The following UPF3B variants were observed in gnomAD, a reference collection of about 807,000 sequenced individuals.
UPF3B encodes regulator of nonsense transcripts 3B.
A neutral mutation model predicts 40.3 loss-of-function variants in UPF3B; 7 were observed. That is an observed-to-expected ratio of 0.17 (90% confidence interval 0.10 to 0.33). The LOEUF (loss-of-function observed/expected upper bound fraction) is 0.33, where lower values mean the gene tolerates loss of function less well. Ranked by LOEUF, UPF3B falls within the 10% of genes least tolerant of loss-of-function variation. UPF3B has a pLI of 1.00. For missense variants in UPF3B, 229 were observed against 358.9 expected, an observed-to-expected ratio of 0.64 and a Z score of 2.93; for synonymous variants, 117 against 117.3, an observed-to-expected ratio of 1.00 and a Z score of 0.01.
Position 119,834,986 on chromosome X carries a change from G to A in UPF3B, c.1344C>T (p.Ser448=). ...CATCAGGGGGACAGAGTCGATTTCG[G>A]CTTCGAGCTCCTGGTTGGTAAAGCT... ...AMQLYQPGAR[S]RNRLCPPDDS... is the part of the protein sequence containing the mutation. The change falls in exon 11 of 11, where the codon AGC becomes AGT. Residue 448 remains serine, a synonymous_variant. Coordinates refer to ENST00000276201, the MANE Select transcript of UPF3B (RefSeq NM_080632.3). 1 of 1,211,971 alleles carries A rather than the reference G, an allele frequency of 8.3e-7. No homozygotes were observed. Among genetic ancestry groups the A allele is most frequent in the Non-Finnish European group, 1.1e-6 (1 of 895,585 alleles).
At chrX:119,836,941 C>T (rs1157907241) in intron 10 of UPF3B, among the ~76,000 whole-genome samples, 1 of 102,737 alleles carries the variant, frequency 9.7e-6, no homozygotes, top group African/African-American at 3.6e-5. Flanking sequence ...TGAGCCACCG[C>T]GCCCGGCCAG....
chrX:119,850,555 A>AAAAAC (rs1393789329), intron 3 of UPF3B, among the ~76,000 whole-genome samples: 1 of 111,880 alleles, frequency 8.9e-6, no homozygotes, highest in Non-Finnish European at 1.9e-5. Context: ...TAATATTGAA[A>AAAAAC]AAAACAAAAC....
intron 5 of UPF3B, among the ~76,000 whole-genome samples, chrX:119,813,273 G>C (rs1278686446): frequency 9.0e-6 from 1 of 111,220 alleles, no homozygotes; most frequent in Non-Finnish European, 1.9e-5. Flanking sequence ...AATCCCCAGT[G>C]TTGTAGGTGG....
intron 6 of UPF3B, among the ~76,000 whole-genome samples, chrX:119,807,040 A>AG (rs2055797700): frequency 1.0e-5 from 1 of 98,850 alleles, no homozygotes; most frequent in African/African-American, 4.2e-5. Flanking sequence ...AAAAAAAAAA[A>AG]AAAAAAAAAA....
In UPF3B at chrX:119,844,729, G is replaced by A. The variant is rs1569462845; in HGVS notation, c.469+469C>T. ...AGAGATTCTCCTGCCTCAGCCTCCCGAATAGCTGGGATTACAGGCATGCAC... is the reference window on the plus strand; with the variant it reads ...AGAGATTCTCCTGCCTCAGCCTCCCAAATAGCTGGGATTACAGGCATGCAC... On this transcript the variant is annotated intron_variant, in intron 4 of 10. Coordinates refer to ENST00000276201, the MANE Select transcript of UPF3B (RefSeq NM_080632.3). Among the ~76,000 whole-genome samples the A allele has an allele frequency of 3.6e-5, 4 of 110,274 alleles. No homozygotes were observed. The East Asian group carries it at 8.5e-4, about 23-fold the overall frequency.
intron 3 of UPF3B, among the ~76,000 whole-genome samples, chrX:119,849,386 G>A (rs933423126): frequency 9.2e-6 from 1 of 109,229 alleles, no homozygotes; most frequent in Non-Finnish European, 1.9e-5. Flanking sequence ...CAGCTAAGTC[G>A]GCAGGCTGAG....
Position 119,846,992 on chromosome X carries a change from A to C in UPF3B, c.371-1696T>G, listed in dbSNP as rs1888691856. Among the ~76,000 whole-genome samples the C allele has an allele frequency of 5.3e-5, 6 of 112,769 alleles. No homozygotes were observed. In the South Asian group the frequency reaches 1.8e-3, roughly 34 times the overall value. On this transcript the variant is annotated intron_variant, in intron 3 of 10. Coordinates refer to ENST00000276201, the MANE Select transcript of UPF3B (RefSeq NM_080632.3). ...GACTTGAATAGACATTTCTTCAAAG[A>C]TAATATACAAATGGCTAACAAGCAT... is the stretch of plus-strand genomic sequence containing the variant.
intron 4 of UPF3B, among the ~76,000 whole-genome samples, chrX:119,822,252 C>T (rs1372428603): frequency 8.9e-6 from 1 of 112,482 alleles, no homozygotes; most frequent in Admixed American, 9.4e-5. Flanking sequence ...ATGCTTGTTG[C>T]TTCTACACTA....
chrX:119,838,947 T>C (rs2056131724), intron 8 of UPF3B, among the ~76,000 whole-genome samples: 1 of 111,050 alleles, frequency 9.0e-6, no homozygotes, highest in Admixed American at 9.6e-5. Flanking sequence ...GGCTAATTTT[T>C]TAATTTTTTT....
intron 5 of UPF3B, among the ~76,000 whole-genome samples, chrX:119,813,955 G>A (rs190221717): frequency 1.4e-3 from 158 of 111,592 alleles, no homozygotes; most frequent in African/African-American, 4.5e-3. Flanking sequence ...TGAACTGATC[G>A]TTCTCTGGTG....
chrX:119,808,866 T>C (rs761811576), intron 5 of UPF3B, among the ~76,000 whole-genome samples: 1 of 112,632 alleles, frequency 8.9e-6, no homozygotes, highest in East Asian at 2.8e-4. Context: ...ACAGTATTAG[T>C]AGTCTCTTTC....
At chrX:119,830,775 T>C (rs2056028385), downstream of UPF3B, among the ~76,000 whole-genome samples, 1 of 110,199 alleles carries the variant, frequency 9.1e-6, no homozygotes, top group Non-Finnish European at 1.9e-5. Flanking sequence ...AAATAAATAT[T>C]TGCATCAATG....
At chrX:119,836,673 CAG>C (rs2056096386) in intron 10 of UPF3B, among the ~76,000 whole-genome samples, 1 of 104,090 alleles carries the variant, frequency 9.6e-6, no homozygotes, top group African/African-American at 3.5e-5. Context: ...TTTTTTGAGA[CAG>C]AGTCTCGCTC....
downstream of UPF3B, among the ~76,000 whole-genome samples, chrX:119,832,210 T>C (rs1861290657): frequency 9.0e-6 from 1 of 111,538 alleles, no homozygotes; most frequent in African/African-American, 3.3e-5. Flanking sequence ...TCCTCTTGCC[T>C]TGGCCTTCTA....
intron 3 of UPF3B, among the ~76,000 whole-genome samples, chrX:119,828,880 C>T (rs189688985): frequency 9.1e-6 from 1 of 109,968 alleles, no homozygotes; most frequent in African/African-American, 3.3e-5. Flanking sequence ...ACCACCACAC[C>T]CAGCTAATTT....
intron 3 of UPF3B, among the ~76,000 whole-genome samples, chrX:119,851,118 G>A (rs1352888320): frequency 1.8e-5 from 2 of 112,411 alleles, no homozygotes; most frequent in Non-Finnish European, 3.8e-5. Context: ...GGAACTGTTG[G>A]CTTAATGGAT....
chrX:119,834,466 G>A lies in UPF3B; in HGVS notation c.*412C>T, dbSNP rs1381280786. 4.8e-6 allele frequency: 4 copies of A among 839,575 alleles called. No individual in the cohort carries two copies. The highest frequency in any genetic ancestry group is 9.2e-5 in the East Asian group (1 of 10,848). 69.2% of individuals were successfully genotyped at this position (839,575 alleles called of 1,213,427 possible). Reference sequence around the variant, plus strand: ...ATCAACAATACAATAGAATTAGATCGGAACAAGGCTTCAAAGCGACTCTGC... The same window carrying A: ...ATCAACAATACAATAGAATTAGATCAGAACAAGGCTTCAAAGCGACTCTGC... On this transcript the variant is annotated 3_prime_UTR_variant, in exon 11 of 11. Transcript: ENST00000276201.
intron 3 of UPF3B, among the ~76,000 whole-genome samples, chrX:119,846,897 A>G (rs1220149267): frequency 8.9e-6 from 1 of 112,512 alleles, no homozygotes; most frequent in Non-Finnish European, 1.9e-5. Flanking sequence ...GGTAATATCG[A>G]GAATATATAA....
chrX:119,852,658 G>A, intron 1 of UPF3B, 115 bp downstream of exon 1: 2 of 1,106,511 alleles, frequency 1.8e-6, no homozygotes, highest in Non-Finnish European at 2.5e-6. Context: ...CTTCCATTCA[G>A]GCGAAGAGAT....
Sources: gnomAD v4.1 joint callset for allele counts (sites outside exome capture counted in the v4.1 genomes callset) on GRCh38, gnomAD v4.1.1 for gene constraint, MANE v1.5 for transcripts, NCBI Gene and HGNC (gene_info 2026-07-23, HGNC 2026-07-21) for gene names.